The following PIK3C2G variants were observed in gnomAD, a reference collection of about 807,000 sequenced individuals.
The protein encoded by PIK3C2G is phosphatidylinositol 3-kinase C2 domain-containing subunit gamma.
A neutral mutation model predicts 181.1 loss-of-function variants in PIK3C2G; 168 were observed. The observed-to-expected ratio is 0.93, with a 90% CI of 0.82 to 1.05. PIK3C2G has a LOEUF of 1.05. Among genes scored for constraint, PIK3C2G ranks in the 50% least tolerant of loss-of-function variants. The pLI, the probability that PIK3C2G is intolerant of heterozygous loss-of-function variation, is 0.00. For synonymous variants in PIK3C2G, 573 were observed against 592.2 expected, an observed-to-expected ratio of 0.97 and a Z score of 0.47; for missense variants, 1,869 against 1,732.8, an observed-to-expected ratio of 1.08 and a Z score of -1.40.
At chr12:18,699,277 G>A in the PIK3C2G span, among the ~76,000 whole-genome samples, 7 of 152,098 alleles carry the variant, frequency 4.6e-5, no homozygotes, top group Non-Finnish European at 8.8e-5. Flanking sequence ...CCTCTTCAAT[G>A]CCTATTAAAT....
chr12:18,674,477 A>T, the PIK3C2G span, among the ~76,000 whole-genome samples: 1 of 152,152 alleles, frequency 6.6e-6, no homozygotes. Context: ...CACTCTATGA[A>T]TTTTTTGGAC....
chr12:18,254,121 T>C (rs147975587), intron 1 of PIK3C2G, among the ~76,000 whole-genome samples: 79 of 152,086 alleles, frequency 5.2e-4, no homozygotes, highest in African/African-American at 1.8e-3. Context: ...TTTTCTTATT[T>C]TATTTTTAAA....
chr12:18,418,601 G>T (rs1167177330), intron 16 of PIK3C2G, among the ~76,000 whole-genome samples: 2 of 152,128 alleles, frequency 1.3e-5, no homozygotes, highest in African/African-American at 4.8e-5. Flanking sequence ...TTAGCATGAG[G>T]TAATTATGGC....
chr12:18,273,046 A>T (rs1948811705), intron 1 of PIK3C2G, among the ~76,000 whole-genome samples: 1 of 151,504 alleles, frequency 6.6e-6, no homozygotes, highest in African/African-American at 2.4e-5. Context: ...ACAGAGATAG[A>T]GAGAGAGAGA....
chr12:18,663,861 A>G, the PIK3C2G span, among the ~76,000 whole-genome samples: 1 of 152,206 alleles, frequency 6.6e-6, no homozygotes, highest in African/African-American at 2.4e-5. Context: ...ATAAGGAATT[A>G]ATATCCAGAA....
rs1944285238 is a variant in PIK3C2G at position 18,543,715 on chromosome 12, TTTCTGGC to T, written c.3481-2607_3481-2601del. Among the ~76,000 whole-genome samples, 8 of 152,086 alleles carry T rather than the reference TTTCTGGC, an allele frequency of 5.3e-5. No individual in the cohort carries two copies. The South Asian group carries it at 1.7e-3, about 32-fold the overall frequency. ...AGATGATCATAATTGTGCGGCCTTATTTCTGGCCTCTCTATTTTGTTCCATTGGCCTG... is the reference window on the plus strand; with the variant it reads ...AGATGATCATAATTGTGCGGCCTTATCTCTCTATTTTGTTCCATTGGCCTG... On this transcript the variant is annotated intron_variant, in intron 25 of 32. Transcript: ENST00000538779.
At chr12:18,462,676 C>G (rs1361501709) in intron 18 of PIK3C2G, among the ~76,000 whole-genome samples, 1 of 152,080 alleles carries the variant, frequency 6.6e-6, no homozygotes, top group African/African-American at 2.4e-5. Flanking sequence ...AAAGTTAGGG[C>G]CAAGTTTAAA....
chr12:18,532,755 C>T (rs1490520012), intron 24 of PIK3C2G, among the ~76,000 whole-genome samples: 5 of 152,150 alleles, frequency 3.3e-5, no homozygotes, highest in African/African-American at 9.7e-5. Context: ...AGTGCCACAT[C>T]ACAGTCTGGT....
At chr12:18,560,416 T>A (rs1321768094) in intron 26 of PIK3C2G, among the ~76,000 whole-genome samples, 1 of 151,848 alleles carries the variant, frequency 6.6e-6, no homozygotes, top group Non-Finnish European at 1.5e-5. Flanking sequence ...AAATGATAAA[T>A]ATGTGAAGGA....
At chr12:18,404,955 AC>A (rs1222430669) in intron 16 of PIK3C2G, among the ~76,000 whole-genome samples, 1 of 152,172 alleles carries the variant, frequency 6.6e-6, no homozygotes, top group African/African-American at 2.4e-5. Context: ...CTGGGACTGA[AC>A]TAAGAAGTCT....
downstream of PIK3C2G, among the ~76,000 whole-genome samples, chr12:18,652,842 A>G (rs1950575088): frequency 6.6e-6 from 1 of 152,126 alleles, no homozygotes; most frequent in South Asian, 2.1e-4. Flanking sequence ...CAGTTGTCTC[A>G]TAGCAACATA....
At chr12:18,334,812 A>T (rs891884764) in intron 8 of PIK3C2G, among the ~76,000 whole-genome samples, 1 of 152,110 alleles carries the variant, frequency 6.6e-6, no homozygotes, top group Non-Finnish European at 1.5e-5. Flanking sequence ...TGTAAATTTT[A>T]AACTGATATT....
Position 18,563,402 on chromosome 12 carries a change from G to A in PIK3C2G, c.3806G>A (p.Ser1269Asn), listed in dbSNP as rs1310836405. 6.2e-7 allele frequency: 1 copy of A among 1,612,560 alleles called. No individual in the cohort carries two copies. The highest frequency in any genetic ancestry group is 8.5e-7 in the Non-Finnish European group (1 of 1,179,084). The change falls in exon 28 of 33, where the codon AGC (serine) becomes AAC (asparagine). Residue 1269 changes from serine to asparagine, a missense_variant. Ser to Asn is a conservative substitution (Grantham distance 46). Coordinates refer to ENST00000538779, the MANE Select transcript of PIK3C2G (RefSeq NM_001288772.2). ...CTGTATCTGATCCAGGTGACACACA[G>A]CAACAACGAAACAAGCCTGACAGAA... ...SNLYLIQVTH[S>N]NNETSLTEKS...
rs768749955 is a variant in PIK3C2G at position 18,505,292 on chromosome 12, G to A, written c.3154G>A (p.Ala1052Thr). 1.3e-6 allele frequency: 2 copies of A among 1,591,204 alleles called. No individual in the cohort carries two copies. The highest frequency in any genetic ancestry group is 2.3e-5 in the East Asian group (1 of 44,314). The change falls in exon 24 of 33, where the codon GCC becomes ACC. Residue 1052 changes from alanine (A) to threonine (T), a missense_variant and splice_region_variant. Ala to Thr is a moderately conservative substitution (Grantham distance 58). Coordinates refer to ENST00000538779, the MANE Select transcript of PIK3C2G (RefSeq NM_001288772.2). ...HNHLKADYEK[A>T]LRNFFYSCAG... ...GCATGATTGTTTTTCAATGAATTAG[G>A]CCTTGAGGAACTTTTTCTACTCCTG...
intron 24 of PIK3C2G, among the ~76,000 whole-genome samples, chr12:18,516,608 C>T (rs760628861): frequency 9.2e-5 from 14 of 152,032 alleles, no homozygotes; most frequent in African/African-American, 2.6e-4. Flanking sequence ...TATTATGTGG[C>T]GCTTAGTTTG....
Position 18,637,057 on chromosome 12 carries a change from C to CCT in PIK3C2G, c.4183-3369_4183-3368dup, listed in dbSNP as rs1949635601. Among the ~76,000 whole-genome samples, 5 of 152,250 alleles carry CCT rather than the reference C, an allele frequency of 3.3e-5. No homozygotes were observed. The South Asian group carries it at 1.0e-3, about 32-fold the overall frequency. ...AGCTCAAATTCTATTGATCACCTGA[C>CCT]CTCTATAAGCCCCCTACTCTGACTG... On this transcript the variant is annotated intron_variant, in intron 31 of 32. Transcript: ENST00000538779.
intron 1 of PIK3C2G, among the ~76,000 whole-genome samples, chr12:18,250,363 C>A (rs1565522023): frequency 6.6e-6 from 1 of 151,980 alleles, no homozygotes; most frequent in Admixed American, 6.6e-5. Context: ...TGTCCTTTTT[C>A]ATACTCCCAA....
chr12:18,562,126 A>G (rs1945376942), intron 26 of PIK3C2G, among the ~76,000 whole-genome samples: 1 of 152,078 alleles, frequency 6.6e-6, no homozygotes, highest in Non-Finnish European at 1.5e-5. Flanking sequence ...AAACAACAAA[A>G]TCTTTTTTTG....
At chr12:18,357,187 T>C (rs1940821134) in intron 11 of PIK3C2G, among the ~76,000 whole-genome samples, 1 of 152,154 alleles carries the variant, frequency 6.6e-6, no homozygotes, top group Non-Finnish European at 1.5e-5. Context: ...TGTGGGAAAA[T>C]TTGCTACTTG....
Sources: gnomAD v4.1 joint callset for allele counts (sites outside exome capture counted in the v4.1 genomes callset) on GRCh38, gnomAD v4.1.1 for gene constraint, MANE v1.5 for transcripts, NCBI Gene and HGNC (gene_info 2026-07-23, HGNC 2026-07-21) for gene names.